ROBO2: variants seen among roughly 807,000 people sequenced by gnomAD.
ROBO2 encodes roundabout homolog 2.
Under a neutral mutation model 160.8 loss-of-function variants are expected in ROBO2, and 53 were observed. The observed-to-expected ratio is 0.33, with a 90% CI of 0.26 to 0.41. The LOEUF is 0.41. ROBO2 is among the 10% of genes least tolerant of loss of function. ROBO2 has a pLI of 1.00. For synonymous variants in ROBO2, 664 were observed against 611.7 expected (o/e 1.09, Z -1.26); for missense variants, 1,577 against 1,722.4 (o/e 0.92, Z 1.49).
intron 2 of ROBO2, among the ~76,000 whole-genome samples, chr3:76,333,026 T>G (rs1224083896): frequency 6.6e-6 from 1 of 152,228 alleles, no homozygotes; most frequent in Non-Finnish European, 1.5e-5. Context: ...AATTTGCTTC[T>G]GTAACAAGTT....
chr3:76,617,825 T>C (rs753672964), intron 2 of ROBO2, among the ~76,000 whole-genome samples: 6 of 150,412 alleles, frequency 4.0e-5, no homozygotes, highest in Non-Finnish European at 7.4e-5. Context: ...CTTTTAGTCA[T>C]GGTGGAAGGC....
intron 2 of ROBO2, among the ~76,000 whole-genome samples, chr3:77,472,594 G>A (rs952380160): frequency 6.6e-6 from 1 of 151,976 alleles, no homozygotes; most frequent in Non-Finnish European, 1.5e-5. Flanking sequence ...GTGAATATTC[G>A]GGTTCTAGCC....
chr3:77,364,435 G>GT (rs1386599835), intron 2 of ROBO2, among the ~76,000 whole-genome samples: 10 of 152,138 alleles, frequency 6.6e-5, no homozygotes, highest in Admixed American at 2.0e-4. Flanking sequence ...ATTCTTGACA[G>GT]TATGAGTGTA....
chr3:77,621,027 T>C (rs1261994106), intron 22 of ROBO2, among the ~76,000 whole-genome samples: 1 of 152,104 alleles, frequency 6.6e-6, no homozygotes, highest in South Asian at 2.1e-4. Flanking sequence ...AAAATCTGAG[T>C]AGACTCAAAG....
At chr3:76,973,553 A>G (rs2059672996) in intron 2 of ROBO2, among the ~76,000 whole-genome samples, 1 of 152,104 alleles carries the variant, frequency 6.6e-6, no homozygotes, top group African/African-American at 2.4e-5. Context: ...AAAATCCAAC[A>G]TCTTATACCT....
intron 2 of ROBO2, among the ~76,000 whole-genome samples, chr3:76,721,506 C>G (rs1304467132): frequency 6.6e-6 from 1 of 152,088 alleles, no homozygotes; most frequent in African/African-American, 2.4e-5. Flanking sequence ...CTCTCTGAAT[C>G]TGATTACTTC....
chr3:75,950,508 A>C (rs761289165), intron 2 of ROBO2, among the ~76,000 whole-genome samples: 5 of 152,124 alleles, frequency 3.3e-5, no homozygotes, highest in Non-Finnish European at 7.4e-5. Context: ...GTTGCCAGGA[A>C]ATGTTAAGAG....
intron 11 of ROBO2, chr3:77,564,666 T>A (rs1477524934): frequency 5.9e-6 from 3 of 506,892 alleles, no homozygotes; most frequent in Non-Finnish European, 1.1e-5. Context: ...CTGTTCCTTT[T>A]ACAGGTATTC....
chr3:75,913,587 G>T (rs565734809), intron 1 of ROBO2, among the ~76,000 whole-genome samples: 1 of 152,246 alleles, frequency 6.6e-6, no homozygotes, highest in East Asian at 1.9e-4. Flanking sequence ...CCTTAGATTT[G>T]TCAAATCTAG....
chr3:76,555,437 G>A (rs3067741), intron 2 of ROBO2, among the ~76,000 whole-genome samples: 642 of 51,984 alleles, frequency 0.012, 10 homozygotes, highest in African/African-American at 0.021. Flanking sequence ...GAAGGGGAAG[G>A]GGAAGAGGAA....
intron 2 of ROBO2, among the ~76,000 whole-genome samples, chr3:76,060,945 ATAT>A (rs565434646): frequency 6.6e-6 from 1 of 152,158 alleles, no homozygotes; most frequent in Non-Finnish European, 1.5e-5. Flanking sequence ...CAGTGTTTCA[ATAT>A]TAGAAATTCT....
At chr3:76,826,987 T>C (rs1158747329) in intron 2 of ROBO2, among the ~76,000 whole-genome samples, 1 of 152,190 alleles carries the variant, frequency 6.6e-6, no homozygotes, top group Non-Finnish European at 1.5e-5. Flanking sequence ...GGCTGATGTT[T>C]GTGTGTTGGG....
intron 2 of ROBO2, among the ~76,000 whole-genome samples, chr3:76,624,342 G>C (rs1402959302): frequency 6.6e-6 from 1 of 152,064 alleles, no homozygotes; most frequent in African/African-American, 2.4e-5. Context: ...TTATGTTTGG[G>C]TGAATCTGAT....
chr3:76,587,173 C>T (rs1030028216), intron 2 of ROBO2, among the ~76,000 whole-genome samples: 3 of 152,134 alleles, frequency 2.0e-5, no homozygotes, highest in Non-Finnish European at 2.9e-5. Context: ...ACACCCATTT[C>T]AAAATAACTG....
At chr3:76,736,079 C>G (rs1055718336) in intron 2 of ROBO2, among the ~76,000 whole-genome samples, 1 of 151,468 alleles carries the variant, frequency 6.6e-6, no homozygotes, top group African/African-American at 2.4e-5. Context: ...GTCAGGAGAT[C>G]GAGACCATCC....
chr3:76,942,249 G>T (rs2078238313), intron 2 of ROBO2, among the ~76,000 whole-genome samples: 1 of 152,112 alleles, frequency 6.6e-6, no homozygotes, highest in Non-Finnish European at 1.5e-5. Context: ...CAATCCAGCA[G>T]CTCCAACTTT....
intron 2 of ROBO2, among the ~76,000 whole-genome samples, chr3:76,942,372 C>T (rs1328202795): frequency 6.6e-6 from 1 of 152,170 alleles, no homozygotes; most frequent in African/African-American, 2.4e-5. Flanking sequence ...CAACCAGCCT[C>T]CTTTATTGTT....
chr3:77,006,696 G>T (rs556827774), intron 2 of ROBO2, among the ~76,000 whole-genome samples: 3 of 152,088 alleles, frequency 2.0e-5, no homozygotes, highest in Non-Finnish European at 2.9e-5. Context: ...TTAGAGAAAT[G>T]ATTTTGGAGG....
intron 2 of ROBO2, among the ~76,000 whole-genome samples, chr3:76,193,843 A>G (rs1326188419): frequency 6.6e-6 from 1 of 152,164 alleles, no homozygotes; most frequent in Non-Finnish European, 1.5e-5. Flanking sequence ...CTCTGGCCAG[A>G]CTATTTACCA....
Sources: gnomAD v4.1 joint callset for allele counts (sites outside exome capture counted in the v4.1 genomes callset) on GRCh38, gnomAD v4.1.1 for gene constraint, MANE v1.5 for transcripts, NCBI Gene and HGNC (gene_info 2026-07-23, HGNC 2026-07-21) for gene names.